Variants in TUSC3 observed in about 807,000 individuals in gnomAD.
The protein encoded by TUSC3 is dolichyl-diphosphooligosaccharide--protein glycosyltransferase subunit TUSC3.
In TUSC3, 45 loss-of-function variants were observed where a neutral mutation model predicts 44.8. The ratio of observed to expected loss-of-function variants is 1.00; its 90% CI spans 0.79 to 1.29. The LOEUF (loss-of-function observed/expected upper bound fraction) is 1.29, where lower values mean the gene tolerates loss of function less well. TUSC3 is among the 50% of genes most tolerant of loss of function. The pLI, the probability that TUSC3 is intolerant of heterozygous loss-of-function variation, is 0.00. For missense variants in TUSC3, 519 were observed against 437.9 expected (o/e 1.19, Z -1.65); for synonymous variants, 212 against 152.9 (o/e 1.39, Z -2.85).
chr8:15,423,982 T>G (rs1308760021), intron 1 of TUSC3, among the ~76,000 whole-genome samples: 8,089 of 115,530 alleles, frequency 0.07, 1,296 homozygotes, highest in African/African-American at 0.19. Flanking sequence ...TTTTTTTTTT[T>G]TTTTTTTTTT....
intron 2 of TUSC3, among the ~76,000 whole-genome samples, chr8:15,515,828 C>G (rs546326583): frequency 6.6e-6 from 1 of 151,974 alleles, no homozygotes; most frequent in Non-Finnish European, 1.5e-5. Context: ...CCACCACACC[C>G]GGCTATTTTT....
intron 9 of TUSC3, among the ~76,000 whole-genome samples, chr8:15,750,903 A>C (rs1025593225): frequency 6.6e-6 from 1 of 152,178 alleles, no homozygotes; most frequent in East Asian, 1.9e-4. Context: ...TGGTTTGTGA[A>C]TATGAAATTT....
At chr8:15,713,614 T>A (rs1246972191) in intron 6 of TUSC3, among the ~76,000 whole-genome samples, 1 of 152,068 alleles carries the variant, frequency 6.6e-6, no homozygotes, top group African/African-American at 2.4e-5. Context: ...CAGGGCGAGT[T>A]TGAGGTCTTT....
chr8:15,681,525 G>A (rs1184260826), intron 6 of TUSC3, among the ~76,000 whole-genome samples: 1 of 148,218 alleles, frequency 6.7e-6, no homozygotes, highest in Non-Finnish European at 1.5e-5. Context: ...TGTCACCTTT[G>A]TCATTTCCGA....
chr8:15,671,914 T>C (rs1441289103), intron 5 of TUSC3, among the ~76,000 whole-genome samples: 3 of 152,170 alleles, frequency 2.0e-5, no homozygotes, highest in South Asian at 2.1e-4. Flanking sequence ...CTTTATCTTA[T>C]TCATTCTTAC....
At chr8:15,537,148 C>G (rs971412253), upstream of TUSC3, among the ~76,000 whole-genome samples, 1 of 40,404 alleles carries the variant, frequency 2.5e-5, no homozygotes, top group Non-Finnish European at 8.5e-5. Flanking sequence ...CTCTCTCTCT[C>G]TCTGAAGTCT....
At chr8:15,642,492 C>T (rs1002829177) in intron 2 of TUSC3, among the ~76,000 whole-genome samples, 1 of 152,276 alleles carries the variant, frequency 6.6e-6, no homozygotes, top group East Asian at 1.9e-4. Flanking sequence ...CTAGAAAAGA[C>T]ATAATCTCCA....
Position 15,748,477 on chromosome 8 carries a change from A to G in TUSC3, c.1028+12A>G. The G allele has an allele frequency of 1.3e-6, 2 of 1,560,528 alleles. No homozygotes were observed. Among genetic ancestry groups the G allele is most frequent in the East Asian group, 2.2e-5 (1 of 44,500 alleles). ...GGCTATCCTTATAGGTAATATCTTT[A>G]TACTAACATGAATGTTTTTATTTTT... On this transcript the variant is annotated intron_variant, in intron 9 of 10. Coordinates refer to ENST00000503731, the MANE Select transcript of TUSC3 (RefSeq NM_006765.4).
At chr8:15,839,224 G>A in the TUSC3 span, among the ~76,000 whole-genome samples, 4 of 152,156 alleles carry the variant, frequency 2.6e-5, no homozygotes, top group Non-Finnish European at 5.9e-5. Flanking sequence ...CTGAGACTTT[G>A]GTGAAGTTCC....
At chr8:15,492,189 A>T (rs1321310581) in intron 2 of TUSC3, among the ~76,000 whole-genome samples, 1 of 152,182 alleles carries the variant, frequency 6.6e-6, no homozygotes, top group Admixed American at 6.5e-5. Context: ...TGTGGAGCAC[A>T]GAGGAGAAGA....
At chr8:15,639,701 T>G (rs988902008) in intron 2 of TUSC3, among the ~76,000 whole-genome samples, 2 of 152,108 alleles carry the variant, frequency 1.3e-5, no homozygotes, top group Admixed American at 1.3e-4. Flanking sequence ...GTTAGTCATT[T>G]AACATATTAA....
intron 6 of TUSC3, among the ~76,000 whole-genome samples, chr8:15,728,841 C>T (rs1175271041): frequency 2.6e-5 from 4 of 152,006 alleles, no homozygotes; most frequent in South Asian, 4.1e-4. Context: ...CTTCTCCTTC[C>T]GGAGGAGGAG....
chr8:15,673,859 A>G (rs1808066203), intron 6 of TUSC3, 23 bp downstream of exon 6: 1 of 1,581,646 alleles, frequency 6.3e-7, no homozygotes, highest in East Asian at 2.2e-5. Context: ...TATAAGCATG[A>G]ATATTCTGAA....
At chr8:15,612,051 G>A (rs6981052) in intron 1 of TUSC3, among the ~76,000 whole-genome samples, 3,454 of 152,164 alleles carry the variant, frequency 0.023, 144 homozygotes, top group African/African-American at 0.078. Context: ...GAACAGAAGG[G>A]GTCATGATAT....
At chr8:15,429,808 G>A (rs62500495) in intron 1 of TUSC3, among the ~76,000 whole-genome samples, 9,607 of 151,586 alleles carry the variant, frequency 0.063, 388 homozygotes, top group East Asian at 0.15. Context: ...TATCACCACC[G>A]ATCCCACAGA....
At chr8:15,517,876 T>A (rs1801241980) in intron 2 of TUSC3, among the ~76,000 whole-genome samples, 1 of 152,042 alleles carries the variant, frequency 6.6e-6, no homozygotes, top group African/African-American at 2.4e-5. Flanking sequence ...ACCACAAAAT[T>A]TCCCTTTTAA....
intron 7 of TUSC3, among the ~76,000 whole-genome samples, chr8:15,736,639 C>CTAAAA (rs1246193087): frequency 2.0e-5 from 3 of 152,016 alleles, no homozygotes; most frequent in Non-Finnish European, 4.4e-5. Context: ...TAGTGGTTTT[C>CTAAAA]TAAAATAAAA....
At chr8:15,527,939 T>C (rs780030334) in intron 2 of TUSC3, among the ~76,000 whole-genome samples, 7 of 152,230 alleles carry the variant, frequency 4.6e-5, no homozygotes, top group Non-Finnish European at 1.0e-4. Context: ...CCAATATAGA[T>C]GAAATTCCAT....
At chr8:15,718,625 G>A (rs966655214) in intron 6 of TUSC3, among the ~76,000 whole-genome samples, 1 of 152,018 alleles carries the variant, frequency 6.6e-6, no homozygotes, top group East Asian at 1.9e-4. Context: ...AGAACTTCAT[G>A]GACAAATAAT....
Sources: allele counts gnomAD v4.1 joint callset (sites outside exome capture counted in the v4.1 genomes callset), GRCh38; gene constraint gnomAD v4.1.1; transcripts MANE v1.5; gene names NCBI Gene and HGNC (gene_info 2026-07-23, HGNC 2026-07-21).